PARVB: variants seen among roughly 807,000 people sequenced by gnomAD.
PARVB encodes the protein beta-parvin.
A neutral mutation model predicts 47.0 loss-of-function variants in PARVB; 46 were observed. That is an observed-to-expected ratio of 0.98 (90% CI 0.77 to 1.25). PARVB has a LOEUF of 1.25. Among genes scored for constraint, PARVB ranks in the 50% most tolerant of loss-of-function variants. The pLI, the probability that PARVB is intolerant of heterozygous loss-of-function variation, is 0.00. For missense variants in PARVB, 473 were observed against 471.6 expected (o/e 1.00, Z -0.03); for synonymous variants, 196 against 196.3 (o/e 1.00, Z 0.01).
rs1379419555 is a variant in PARVB, at chr22:44,068,183, G to C, written c.113-25745G>C. 2.6e-5 allele frequency among the ~76,000 whole-genome samples: 4 copies of C among 152,210 alleles called. No individual in the cohort carries two copies. Among genetic ancestry groups the C allele is most frequent in the Non-Finnish European group, 5.9e-5 (4 of 68,026 alleles). ...GAAAGAGCTTCCACAGGGAGTTGGG[G>C]GACTGGTAATTGGAATAAATAAAAG... On this transcript the variant is annotated intron_variant, in intron 1 of 12. Transcript: ENST00000338758. The surrounding 1 kb of genome is among the most constrained non-coding windows in gnomAD (Gnocchi z 4.1).
At chr22:44,157,916 A>T in intron 10 of PARVB, 66 bp from the exon 11 acceptor site, 2 of 1,135,578 alleles carry the variant, frequency 1.8e-6, no homozygotes, top group Non-Finnish European at 2.7e-6. Flanking sequence ...TGCCCCCCTT[A>T]AGTTTGTGCA....
intron 1 of PARVB, among the ~76,000 whole-genome samples, chr22:44,027,914 CATAT>C (rs3083338): frequency 0.06 from 8,023 of 133,164 alleles, 691 homozygotes; most frequent in African/African-American, 0.18. Context: ...AAAAAAAAAC[CATAT>C]ATATATATAT....
intron 4 of PARVB, among the ~76,000 whole-genome samples, chr22:44,121,468 G>A (rs988293045): frequency 1.3e-5 from 2 of 151,926 alleles, no homozygotes; most frequent in Admixed American, 1.3e-4. Context: ...TTGCAAAATA[G>A]TGATTTCTGT....
At chr22:44,041,964 C>G (rs927369542) in intron 1 of PARVB, among the ~76,000 whole-genome samples, 1 of 152,180 alleles carries the variant, frequency 6.6e-6, no homozygotes, top group African/African-American at 2.4e-5. Context: ...TCATTGGCAT[C>G]TCATCTCCAT....
intron 1 of PARVB, among the ~76,000 whole-genome samples, chr22:44,050,347 C>CT (rs764974368): frequency 0.057 from 8,146 of 143,496 alleles, 536 homozygotes; most frequent in African/African-American, 0.16. Flanking sequence ...CCCTTTCGGC[C>CT]TTTTTTTTTT....
chr22:44,015,813 C>T (rs2146859147), intron 2 of PARVB, among the ~76,000 whole-genome samples: 1 of 152,282 alleles, frequency 6.6e-6, no homozygotes, highest in East Asian at 1.9e-4. Flanking sequence ...GAGCAAAACT[C>T]TGTCTCACAA....
intron 2 of PARVB, among the ~76,000 whole-genome samples, chr22:44,007,767 C>T (rs2050481116): frequency 6.6e-6 from 1 of 152,170 alleles, no homozygotes; most frequent in African/African-American, 2.4e-5. Context: ...CACCACCACC[C>T]ATCTCCAGAA....
chr22:44,094,465 C>A (rs1333036925), intron 2 of PARVB, among the ~76,000 whole-genome samples: 1 of 152,164 alleles, frequency 6.6e-6, no homozygotes, highest in Non-Finnish European at 1.5e-5. Flanking sequence ...GCAGAAGGAG[C>A]AGGGCTAATG....
chr22:44,069,155 C>T, intron 1 of PARVB: 15 of 1,612,532 alleles, frequency 9.3e-6, no homozygotes, highest in Non-Finnish European at 1.2e-5. Flanking sequence ...GCTGCACCCT[C>T]CTCGCCAGTG....
chr22:44,158,018 C>T lies in PARVB; in HGVS notation c.880C>T (p.Leu294Phe), dbSNP rs767600905. 6.2e-7 allele frequency: 1 copy of T among 1,614,084 alleles called. No individual in the cohort carries two copies. ...CGTGTACCTGGTTCTGCTCATGGGC[C>T]TTCTGGAAGACTACTTTGTTCCTCT... ...DGVYLVLLMG[L>F]LEDYFVPLHH... The change falls in exon 11 of 13, where the codon CTT (leucine) becomes TTT (phenylalanine). Residue 294 changes from leucine (L) to phenylalanine (F), a missense_variant. Leu to Phe is a conservative substitution (Grantham distance 22, BLOSUM62 0). Transcript: ENST00000338758.
At chr22:44,162,399 G>A (rs1238344290) in intron 11 of PARVB, among the ~76,000 whole-genome samples, 2 of 151,542 alleles carry the variant, frequency 1.3e-5, no homozygotes, top group Non-Finnish European at 2.9e-5. Context: ...TCAGCTCACT[G>A]CAACCTCCGC....
chr22:44,072,796 G>A (rs536222082), intron 1 of PARVB, among the ~76,000 whole-genome samples: 21 of 152,146 alleles, frequency 1.4e-4, no homozygotes, highest in Admixed American at 1.3e-3. Flanking sequence ...CTACAGGATA[G>A]CCCAGAAGAA....
At chr22:44,142,786 T>C (rs976056292) in intron 8 of PARVB, 2 of 152,234 alleles carry the variant, frequency 1.3e-5, no homozygotes, top group Non-Finnish European at 2.9e-5. Flanking sequence ...TTTGTAGGCT[T>C]TATGTGCTGT....
In PARVB at chr22:44,013,912, T is replaced by G. The variant is rs192348173; in HGVS notation, c.211+14239T>G. On this transcript the variant is annotated intron_variant, in intron 2 of 13. Coordinates refer to the PARVB transcript ENST00000406477. ...CCTCCCAACGTGCTGGGATTACAGG[T>G]GTAAGCCACCATGCCTGGCTCGGTG... 7.6e-4 allele frequency among the ~76,000 whole-genome samples: 116 copies of G among 152,242 alleles called. 1 individual carries two copies. In the Middle Eastern group the frequency reaches 0.014, roughly 18 times the overall value.
At chr22:44,135,678 C>G (rs926438320) in intron 6 of PARVB, among the ~76,000 whole-genome samples, 3 of 152,202 alleles carry the variant, frequency 2.0e-5, no homozygotes, top group African/African-American at 7.2e-5. Context: ...GACATTTATT[C>G]TCTCGCAATT....
intron 4 of PARVB, among the ~76,000 whole-genome samples, chr22:44,120,366 T>C (rs1164896175): frequency 6.6e-6 from 1 of 152,204 alleles, no homozygotes; most frequent in Non-Finnish European, 1.5e-5. Flanking sequence ...TCCCTTTCCC[T>C]CTCTCCGTTC....
chr22:44,100,843 G>C, intron 3 of PARVB, among the ~76,000 whole-genome samples: 1 of 152,184 alleles, frequency 6.6e-6, no homozygotes, highest in East Asian at 1.9e-4. Flanking sequence ...GGCTCTGCCT[G>C]ACCTTGGTGA....
At chr22:44,069,683 C>A (rs567704692) in intron 1 of PARVB, among the ~76,000 whole-genome samples, 19 of 152,302 alleles carry the variant, frequency 1.2e-4, no homozygotes, top group African/African-American at 3.6e-4. Flanking sequence ...CTCCCGCCAC[C>A]GCGCCTGGCT....
At chr22:44,122,584 G>GATAGAGAC (rs1569134647) in intron 4 of PARVB, among the ~76,000 whole-genome samples, 1 of 127,454 alleles carries the variant, frequency 7.8e-6, no homozygotes. Context: ...GAGAGAGAGA[G>GATAGAGAC]AGAGAGAGAG....
Sources: gnomAD v4.1 joint callset for allele counts (sites outside exome capture counted in the v4.1 genomes callset) on GRCh38, gnomAD v4.1.1 for gene constraint, Gnocchi (gnomAD v3.1) non-coding constraint, MANE v1.5 for transcripts, NCBI Gene and HGNC (gene_info 2026-07-23, HGNC 2026-07-21) for gene names.